ROBO1: variants seen among roughly 807,000 people sequenced by gnomAD.
ROBO1 encodes roundabout guidance receptor 1.
A neutral mutation model predicts 195.9 loss-of-function variants in ROBO1; 149 were observed. The ratio of observed to expected loss-of-function variants is 0.76; its 90% CI spans 0.67 to 0.87. ROBO1 has a LOEUF of 0.87. Among genes scored for constraint, ROBO1 ranks in the 40% least tolerant of loss-of-function variants. The pLI, the probability that ROBO1 is intolerant of heterozygous loss-of-function variation, is 0.00. For missense variants in ROBO1, 1,933 were observed against 2,068.3 expected, an observed-to-expected ratio of 0.93 and a Z score of 1.27; for synonymous variants, 816 against 733.2, an observed-to-expected ratio of 1.11 and a Z score of -1.82.
At chr3:79,042,986 T>C (rs1294966883) in intron 3 of ROBO1, among the ~76,000 whole-genome samples, 1 of 152,168 alleles carries the variant, frequency 6.6e-6, no homozygotes, top group East Asian at 1.9e-4. Flanking sequence ...TTTAACTTCA[T>C]GATATAAAAA....
At chr3:79,527,274 T>G (rs1484409245) in intron 2 of ROBO1, among the ~76,000 whole-genome samples, 5 of 152,120 alleles carry the variant, frequency 3.3e-5, no homozygotes, top group African/African-American at 1.2e-4. Flanking sequence ...ACACTAATAA[T>G]TAAAAAGAAA....
intron 1 of ROBO1, among the ~76,000 whole-genome samples, chr3:79,691,968 G>A (rs755318064): frequency 6.6e-6 from 1 of 151,868 alleles, no homozygotes; most frequent in Non-Finnish European, 1.5e-5. Flanking sequence ...CCTTTATCAA[G>A]TGTATCTTCC....
intron 4 of ROBO1, among the ~76,000 whole-genome samples, chr3:78,858,792 A>G (rs2034614466): frequency 6.6e-6 from 1 of 151,164 alleles, no homozygotes; most frequent in Non-Finnish European, 1.5e-5. Flanking sequence ...CATAAAAAAG[A>G]AGAAAAAGGA....
In ROBO1 at chr3:78,879,101, A is replaced by G. The variant is rs573973841; in HGVS notation, c.499+59500T>C. On this transcript the variant is annotated intron_variant, in intron 4 of 30. Transcript: ENST00000464233. ...GTGTTCTACTATACTTCTGCCTAAA[A>G]CATTTTAAACTAAACTAAATGGTAT... Among the ~76,000 whole-genome samples the G allele has an allele frequency of 1.7e-4, 26 of 152,276 alleles. No individual in the cohort carries two copies. The South Asian group carries it at 5.0e-3, about 29-fold the overall frequency.
chr3:79,144,024 A>T (rs543922247), intron 2 of ROBO1, among the ~76,000 whole-genome samples: 8 of 152,000 alleles, frequency 5.3e-5, no homozygotes, highest in African/African-American at 1.9e-4. Context: ...TGCGTGACTC[A>T]AGAGTTCATT....
At chr3:78,666,151 C>G (rs1707722882) in intron 14 of ROBO1, among the ~76,000 whole-genome samples, 1 of 152,060 alleles carries the variant, frequency 6.6e-6, no homozygotes, top group Non-Finnish European at 1.5e-5. Flanking sequence ...GTTTCTTTCC[C>G]CTTCTGCCAT....
chr3:79,069,142 T>A (rs905059660), intron 3 of ROBO1, among the ~76,000 whole-genome samples: 3 of 151,890 alleles, frequency 2.0e-5, no homozygotes, highest in African/African-American at 7.2e-5. Context: ...AAATTCAACA[T>A]AAATTTTAAA....
intron 4 of ROBO1, among the ~76,000 whole-genome samples, chr3:78,851,093 CCACCACGCCCGGTCA>C (rs2034032489): frequency 2.0e-5 from 3 of 152,126 alleles, no homozygotes; most frequent in Non-Finnish European, 4.4e-5. Context: ...CAGGTGTGAG[CCACCACGCCCGGTCA>C]CACCTATCAT....
chr3:79,148,743 A>G (rs1335145495), intron 2 of ROBO1, among the ~76,000 whole-genome samples: 1 of 151,902 alleles, frequency 6.6e-6, no homozygotes, highest in African/African-American at 2.4e-5. Context: ...CTCAAAATCA[A>G]TTCTTAACAT....
chr3:79,019,459 T>A (rs1020481247), intron 3 of ROBO1: 5 of 986,060 alleles, frequency 5.1e-6, no homozygotes, highest in African/African-American at 1.7e-5. Flanking sequence ...CCAGCTCAAT[T>A]GCTTGTGGGT....
intron 26 of ROBO1, among the ~76,000 whole-genome samples, chr3:78,623,642 T>G (rs1704582079): frequency 6.6e-6 from 1 of 152,128 alleles, no homozygotes; most frequent in Non-Finnish European, 1.5e-5. Flanking sequence ...AGCAAGGAAT[T>G]AGACTGAAGG....
intron 4 of ROBO1, among the ~76,000 whole-genome samples, chr3:78,851,380 T>A (rs748244075): frequency 5.3e-5 from 8 of 152,230 alleles, no homozygotes; most frequent in Admixed American, 1.3e-4. Flanking sequence ...AGTTTACGTA[T>A]GAATACTGTC....
intron 2 of ROBO1, among the ~76,000 whole-genome samples, chr3:79,294,554 C>T (rs1474817167): frequency 1.3e-5 from 2 of 152,070 alleles, no homozygotes; most frequent in East Asian, 3.9e-4. Flanking sequence ...GACTTCATGA[C>T]TAAAAGACCA....
At chr3:79,608,680 T>A (rs546237371) in intron 1 of ROBO1, among the ~76,000 whole-genome samples, 2 of 152,052 alleles carry the variant, frequency 1.3e-5, no homozygotes, top group African/African-American at 4.8e-5. Flanking sequence ...TTTGGCATCA[T>A]GTAAATAGGG....
chr3:78,959,306 A>G (rs2041218735), intron 3 of ROBO1, among the ~76,000 whole-genome samples: 1 of 152,226 alleles, frequency 6.6e-6, no homozygotes, highest in Non-Finnish European at 1.5e-5. Context: ...AGATTGTCAC[A>G]TTACTATCAT....
chr3:79,577,230 C>T (rs112276835), intron 2 of ROBO1, among the ~76,000 whole-genome samples: 6 of 152,198 alleles, frequency 3.9e-5, no homozygotes, highest in Middle Eastern at 3.4e-3. Context: ...CACATCAGGG[C>T]TACAAAAGAT....
chr3:79,054,041 G>A (rs1372226219), intron 3 of ROBO1, among the ~76,000 whole-genome samples: 1 of 152,004 alleles, frequency 6.6e-6, no homozygotes, highest in African/African-American at 2.4e-5. Context: ...GGGACCTTTT[G>A]GCAAAAGCTG....
Position 79,343,093 on chromosome 3 carries a change from C to T in ROBO1, c.89-217554G>A, listed in dbSNP as rs143032267. Among the ~76,000 whole-genome samples the T allele has an allele frequency of 5.9e-4, 90 of 152,306 alleles. 1 individual carries two copies. The East Asian group carries it at 0.015, about 26-fold the overall frequency. On this transcript the variant is annotated intron_variant, in intron 2 of 30. Transcript: ENST00000464233. ...TTTCGGAATGTCATATTGTTGGAAT[C>T]ATACAGTATGTAGCCTTTTCAGATT...
intron 2 of ROBO1, among the ~76,000 whole-genome samples, chr3:79,263,856 T>G (rs2082985013): frequency 6.6e-6 from 1 of 152,094 alleles, no homozygotes; most frequent in Admixed American, 6.6e-5. Flanking sequence ...GAATAATAAC[T>G]AATGGTACGG....
Sources: allele counts gnomAD v4.1 joint callset (sites outside exome capture counted in the v4.1 genomes callset), GRCh38; gene constraint gnomAD v4.1.1; transcripts MANE v1.5; gene names NCBI Gene and HGNC (gene_info 2026-07-23, HGNC 2026-07-21).